Variants in AGAP1 observed in about 807,000 individuals in gnomAD.
AGAP1 encodes arf-GAP with GTPase, ANK repeat and PH domain-containing protein 1.
A neutral mutation model predicts 105.3 loss-of-function variants in AGAP1; 29 were observed. The ratio of observed to expected loss-of-function variants is 0.28; its 90% CI spans 0.21 to 0.38. The LOEUF (loss-of-function observed/expected upper bound fraction) is 0.38, where lower values mean the gene tolerates loss of function less well. Among genes scored for constraint, AGAP1 ranks in the 10% least tolerant of loss-of-function variants. The pLI, the probability that AGAP1 is intolerant of heterozygous loss-of-function variation, is 1.00. For synonymous variants in AGAP1, 509 were observed against 485.9 expected, an observed-to-expected ratio of 1.05 and a Z score of -0.63; for missense variants, 998 against 1,165.1, an observed-to-expected ratio of 0.86 and a Z score of 2.09.
chr2:235,630,431 G>A (rs1032440970), intron 1 of AGAP1, among the ~76,000 whole-genome samples: 2 of 152,056 alleles, frequency 1.3e-5, no homozygotes, highest in Admixed American at 6.6e-5. Flanking sequence ...GGCTGGTCTC[G>A]AACTCCTGAC....
In AGAP1 at chr2:236,024,040, T is replaced by G. The variant is rs533170754; in HGVS notation, c.1646-12521T>G. On this transcript the variant is annotated intron_variant, in intron 13 of 17. Coordinates refer to ENST00000304032, the MANE Select transcript of AGAP1 (RefSeq NM_001037131.3). Reference sequence around the variant, plus strand: ...TTGGTTGTTTTTTTTTTTTGTTTTTTTTTTTTTTTGGAGACAGTCTCACTT... The same window carrying G: ...TTGGTTGTTTTTTTTTTTTGTTTTTGTTTTTTTTTGGAGACAGTCTCACTT... Among the ~76,000 whole-genome samples the G allele has an allele frequency of 1.7e-3, 246 of 147,208 alleles. 1 individual carries two copies. In the East Asian group the frequency reaches 0.028, roughly 17 times the overall value.
chr2:235,823,704 G>A (rs1227785239), intron 9 of AGAP1, among the ~76,000 whole-genome samples: 1 of 152,150 alleles, frequency 6.6e-6, no homozygotes, highest in African/African-American at 2.4e-5. Flanking sequence ...TATTTTTATT[G>A]TATTGCGACT....
rs1040247287 is a variant in AGAP1, at chr2:235,934,427, C to T, written c.1483+3504C>T. Among the ~76,000 whole-genome samples, 4 of 152,154 alleles carry T rather than the reference C, an allele frequency of 2.6e-5. No individual in the cohort carries two copies. Among genetic ancestry groups the T allele is most frequent in the Admixed American group, 1.3e-4 (2 of 15,276 alleles). On this transcript the variant is annotated intron_variant, in intron 12 of 17. Coordinates refer to ENST00000304032, the MANE Select transcript of AGAP1 (RefSeq NM_001037131.3). This position sits in a 1 kb window ranked among gnomAD's most constrained non-coding sequence, Gnocchi z 4.9. ...GTACCATCCCGGCGTCCCTCTGGTT[C>T]GCGTCATTCCCCCCTTTAGTGTGCT...
intron 5 of AGAP1, among the ~76,000 whole-genome samples, chr2:235,745,540 G>T (rs1240314058): frequency 6.6e-6 from 1 of 152,188 alleles, no homozygotes; most frequent in Non-Finnish European, 1.5e-5. Flanking sequence ...TCAGATGGAG[G>T]TTAGCTTTAC....
rs1230057100 is a variant in AGAP1 at position 235,714,682 on chromosome 2, C to T, written c.223-2875C>T. Reference sequence around the variant, plus strand: ...CTGGGTGACAGAGAACATTTGGATCCATGAGCCATCACTCAGACAGCAGAC... The same window carrying T: ...CTGGGTGACAGAGAACATTTGGATCTATGAGCCATCACTCAGACAGCAGAC... On this transcript the variant is annotated intron_variant, in intron 2 of 17. Transcript: ENST00000304032. This position sits in a 1 kb window ranked among gnomAD's most constrained non-coding sequence, Gnocchi z 4.1. 6.6e-6 allele frequency among the ~76,000 whole-genome samples: 1 copy of T among 152,112 alleles called. No homozygotes were observed. Among genetic ancestry groups the T allele is most frequent in the Non-Finnish European group, 1.5e-5 (1 of 68,034 alleles).
intron 3 of AGAP1, chr2:235,718,412 A>G (rs1951224079): frequency 6.1e-6 from 6 of 985,096 alleles, no homozygotes; most frequent in South Asian, 4.7e-5. Flanking sequence ...CATTTTCTTC[A>G]TGGCAGCGCT....
In AGAP1 at chr2:236,073,969, A is replaced by G. The variant is rs1229918568; in HGVS notation, c.2114+24688A>G. Among the ~76,000 whole-genome samples the G allele has an allele frequency of 2.0e-5, 3 of 152,160 alleles. No individual in the cohort carries two copies. Among genetic ancestry groups the G allele is most frequent in the Non-Finnish European group, 4.4e-5 (3 of 68,020 alleles). On this transcript the variant is annotated intron_variant, in intron 16 of 17. Coordinates refer to ENST00000304032, the MANE Select transcript of AGAP1 (RefSeq NM_001037131.3). This position sits in a 1 kb window ranked among gnomAD's most constrained non-coding sequence, Gnocchi z 5.4. The stretch of plus-strand genomic sequence containing the variant: ...CCCTCTGGGTGCCAAGGTCTCCTCC[A>G]GGAGCACAGGTTCTCACCTGGGGCT...
In AGAP1 at chr2:235,586,500, G is replaced by A. The variant is rs764016923; in HGVS notation, c.163+91651G>A. Among the ~76,000 whole-genome samples, 2 of 152,200 alleles carry A rather than the reference G, an allele frequency of 1.3e-5. No homozygotes were observed. Among genetic ancestry groups the A allele is most frequent in the Non-Finnish European group, 2.9e-5 (2 of 68,032 alleles). ...GATTCACAGCAGTCAAGGCTGCCAC[G>A]AGCAAGTATTTTGAGTGCTCCTTAT... On this transcript the variant is annotated intron_variant, in intron 1 of 17. Transcript: ENST00000304032. This position sits in a 1 kb window ranked among gnomAD's most constrained non-coding sequence, Gnocchi z 4.2.
At position 235,766,035 on chromosome 2, in the gene AGAP1, G is replaced by T. The variant is rs549297212; in HGVS notation, c.673+15547G>T. 7.9e-5 allele frequency among the ~76,000 whole-genome samples: 12 copies of T among 152,250 alleles called. No homozygotes were observed. The South Asian group carries it at 2.3e-3, about 29-fold the overall frequency. On this transcript the variant is annotated intron_variant, in intron 6 of 17. Coordinates refer to ENST00000304032, the MANE Select transcript of AGAP1 (RefSeq NM_001037131.3). ...GTAGCAAGGCAGGTGCTAGAAATTA[G>T]GTCTGTATCTTTTGGCTGCACAGTT...
chr2:236,115,160 C>T (rs2059741485), intron 16 of AGAP1, among the ~76,000 whole-genome samples: 1 of 152,244 alleles, frequency 6.6e-6, no homozygotes, highest in African/African-American at 2.4e-5. Context: ...ACACGTGCCG[C>T]TTCCACGGGT....
chr2:235,699,722 C>T (rs1426065328), intron 1 of AGAP1, among the ~76,000 whole-genome samples: 1 of 152,216 alleles, frequency 6.6e-6, no homozygotes, highest in African/African-American at 2.4e-5. Flanking sequence ...GCCATTCCTT[C>T]TGCTGACTGC....
At chr2:235,564,134 C>T (rs2149142744) in intron 1 of AGAP1, among the ~76,000 whole-genome samples, 1 of 152,304 alleles carries the variant, frequency 6.6e-6, no homozygotes, top group South Asian at 2.1e-4. Context: ...TTAGTCCACA[C>T]AACCTTTTAA....
chr2:235,568,566 G>A (rs1944421430), intron 1 of AGAP1, among the ~76,000 whole-genome samples: 1 of 152,178 alleles, frequency 6.6e-6, no homozygotes, highest in Non-Finnish European at 1.5e-5. Context: ...GAGAAGCTGT[G>A]TATGTGTTGG....
chr2:235,849,825 A>T (rs1961968470), intron 9 of AGAP1, among the ~76,000 whole-genome samples: 1 of 152,182 alleles, frequency 6.6e-6, no homozygotes, highest in African/African-American at 2.4e-5. Context: ...GAGGAAGACG[A>T]GCATGGTCTG....
chr2:235,962,746 A>C lies in AGAP1; in HGVS notation c.1484-5716A>C, dbSNP rs145238377. ...GTGTGTGCGAGAGGTTGAAAACTAG[A>C]AGCTCTGGTTGAAATTCCATGGGGT... On this transcript the variant is annotated intron_variant, in intron 12 of 17. Transcript: ENST00000304032. This position sits in a 1 kb window ranked among gnomAD's most constrained non-coding sequence, Gnocchi z 5.3. Among the ~76,000 whole-genome samples, 13 of 152,222 alleles carry C rather than the reference A, an allele frequency of 8.5e-5. No homozygotes were observed. Among genetic ancestry groups the C allele is most frequent in the African/African-American group, 2.6e-4 (11 of 41,548 alleles).
intron 1 of AGAP1, among the ~76,000 whole-genome samples, chr2:235,703,207 C>T (rs1277531016): frequency 6.6e-6 from 1 of 152,024 alleles, no homozygotes; most frequent in Admixed American, 6.5e-5. Flanking sequence ...GGATTACAGG[C>T]GTGAGTCACC....
At chr2:235,975,282 T>C (rs1014925130) in intron 13 of AGAP1, among the ~76,000 whole-genome samples, 12 of 152,356 alleles carry the variant, frequency 7.9e-5, no homozygotes, top group Non-Finnish European at 1.6e-4. Flanking sequence ...ATTAATTAGT[T>C]GATGTCTTGG....
At position 235,879,176 on chromosome 2, in the gene AGAP1, T is replaced by C. The variant is rs2049888773; in HGVS notation, c.1051-4169T>C. 6.6e-6 allele frequency among the ~76,000 whole-genome samples: 1 copy of C among 152,214 alleles called. No individual in the cohort carries two copies. Among genetic ancestry groups the C allele is most frequent in the South Asian group, 2.1e-4 (1 of 4,826 alleles). The stretch of plus-strand genomic sequence containing the variant: ...GTCCTGGCTTTCAGGGAGCCATGGC[T>C]TCCATAACTTCGCTGCCCCTGACTT... On this transcript the variant is annotated intron_variant, in intron 9 of 17. Transcript: ENST00000304032. This position sits in a 1 kb window ranked among gnomAD's most constrained non-coding sequence, Gnocchi z 5.0.
chr2:235,946,408 G>C (rs910892394), intron 12 of AGAP1, among the ~76,000 whole-genome samples: 1 of 151,154 alleles, frequency 6.6e-6, no homozygotes, highest in Admixed American at 6.6e-5. Flanking sequence ...GACCTCAGGT[G>C]ATCCACCTGC....
Sources: gnomAD v4.1 joint callset for allele counts (sites outside exome capture counted in the v4.1 genomes callset) on GRCh38, gnomAD v4.1.1 for gene constraint, Gnocchi (gnomAD v3.1) non-coding constraint, MANE v1.5 for transcripts, NCBI Gene and HGNC (gene_info 2026-07-23, HGNC 2026-07-21) for gene names.